Variants in SYT1 observed in about 807,000 individuals in gnomAD.
SYT1 encodes synaptotagmin 1, also known as synaptotagmin-1.
SYT1 carries 8 observed loss-of-function variants against 44.8 expected under a neutral mutation model. The observed-to-expected ratio is 0.18, with a 90% CI of 0.10 to 0.32. The LOEUF (loss-of-function observed/expected upper bound fraction) is 0.32. Ranked by LOEUF, SYT1 falls within the 10% of genes least tolerant of loss-of-function variation. SYT1 has a pLI of 1.00. For synonymous variants in SYT1, 154 were observed against 188.8 expected (o/e 0.82, Z 1.51); for missense variants, 286 against 509.3 (o/e 0.56, Z 4.22).
At chr12:79,339,343 CT>C (rs1882249769) in intron 8 of SYT1, among the ~76,000 whole-genome samples, 1 of 152,156 alleles carries the variant, frequency 6.6e-6, no homozygotes, top group Non-Finnish European at 1.5e-5. Flanking sequence ...TGTTTCCTGA[CT>C]TTTTAATGAT....
intron 4 of SYT1, among the ~76,000 whole-genome samples, chr12:79,235,020 T>A (rs1255182908): frequency 6.6e-6 from 1 of 152,176 alleles, no homozygotes; most frequent in Non-Finnish European, 1.5e-5. Flanking sequence ...AGTTTGGGGC[T>A]CTTAAGAATA....
chr12:79,138,657 A>ATG (rs372111547), intron 3 of SYT1, among the ~76,000 whole-genome samples: 9 of 150,782 alleles, frequency 6.0e-5, no homozygotes, highest in African/African-American at 2.2e-4. Flanking sequence ...GTGTGTGTGC[A>ATG]TGTGTGTGTG....
intron 1 of SYT1, chr12:78,926,826 G>C (rs1849694620): frequency 6.6e-6 from 1 of 151,954 alleles, no homozygotes. Flanking sequence ...TATCTTAATA[G>C]CAGGGTGAAC....
intron 7 of SYT1, among the ~76,000 whole-genome samples, chr12:79,297,206 C>T (rs1879917787): frequency 6.6e-6 from 1 of 151,998 alleles, no homozygotes; most frequent in African/African-American, 2.4e-5. Flanking sequence ...AGACAAAGGT[C>T]CCTCATGTAT....
chr12:78,978,375 G>C (rs1868999622), intron 2 of SYT1, among the ~76,000 whole-genome samples: 1 of 152,196 alleles, frequency 6.6e-6, no homozygotes, highest in South Asian at 2.1e-4. Flanking sequence ...AGGGGTTAGA[G>C]GGGAGAGCAG....
chr12:79,299,114 ATAAC>A (rs1880007398), intron 7 of SYT1, among the ~76,000 whole-genome samples: 1 of 152,138 alleles, frequency 6.6e-6, no homozygotes, highest in Non-Finnish European at 1.5e-5. Flanking sequence ...GCTTTATAGT[ATAAC>A]TAACAGCAGG....
At chr12:79,142,371 T>G (rs908342275) in intron 3 of SYT1, among the ~76,000 whole-genome samples, 5 of 152,220 alleles carry the variant, frequency 3.3e-5, no homozygotes, top group African/African-American at 4.8e-5. Flanking sequence ...TTTTCACCTT[T>G]GTGGGGATGG....
At position 79,171,969 on chromosome 12, in the gene SYT1, A is replaced by G. The variant is rs147686567; in HGVS notation, c.-17-45534A>G. ...ATTGTTAGAATTTCTGGATTTAAAGAGATCACTTATTTTTTAAAGGTATCT... is the reference window on the plus strand; with the variant it reads ...ATTGTTAGAATTTCTGGATTTAAAGGGATCACTTATTTTTTAAAGGTATCT... On this transcript the variant is annotated intron_variant, in intron 3 of 10. Coordinates refer to ENST00000261205, the MANE Select transcript of SYT1 (RefSeq NM_005639.3). 1.2e-3 allele frequency among the ~76,000 whole-genome samples: 178 copies of G among 152,134 alleles called. 2 individuals are homozygous for G. The highest frequency in any genetic ancestry group is 4.0e-3 in the African/African-American group (165 of 41,556).
At chr12:79,179,538 G>GATATATCT (rs200217464) in intron 3 of SYT1, among the ~76,000 whole-genome samples, 2,575 of 30,068 alleles carry the variant, frequency 0.086, 150 homozygotes, top group Middle Eastern at 0.17. Flanking sequence ...TATAGATATA[G>GATATATCT]ATATAGAGAT....
intron 9 of SYT1, among the ~76,000 whole-genome samples, chr12:79,426,737 T>A (rs980076130): frequency 2.0e-5 from 3 of 152,244 alleles, no homozygotes; most frequent in Admixed American, 1.3e-4. Flanking sequence ...TAACATTTTT[T>A]AAAAGGTTTC....
chr12:79,328,808 A>G (rs560265436), intron 8 of SYT1, among the ~76,000 whole-genome samples: 1 of 151,378 alleles, frequency 6.6e-6, no homozygotes, highest in Non-Finnish European at 1.5e-5. Flanking sequence ...ATCACGCCAT[A>G]GCACTCCAGC....
intron 8 of SYT1, among the ~76,000 whole-genome samples, chr12:79,305,254 A>C (rs2138902175): frequency 6.6e-6 from 1 of 152,332 alleles, no homozygotes. Flanking sequence ...GAAAAGTAAT[A>C]TAAATTAGAC....
Position 79,090,823 on chromosome 12 carries a change from CTGT to C in SYT1, c.-18+43466_-18+43468del, listed in dbSNP as rs543395090. Among the ~76,000 whole-genome samples the C allele has an allele frequency of 2.0e-5, 3 of 152,028 alleles. No individual in the cohort carries two copies. In the East Asian group the frequency reaches 5.8e-4, roughly 30 times the overall value. ...GGGAAGAATGCACTGTGAACAAAGG[CTGT>C]TGTTTCATTGTGCAGAGAAGGTCTA... is the stretch of plus-strand genomic sequence containing the variant. On this transcript the variant is annotated intron_variant, in intron 3 of 10. Transcript: ENST00000261205.
intron 3 of SYT1, among the ~76,000 whole-genome samples, chr12:79,101,962 A>AT (rs140510584): frequency 0.15 from 23,106 of 152,000 alleles, 1,875 homozygotes; most frequent in South Asian, 0.19. Context: ...ATTAAATAGT[A>AT]TTTTTCATTT....
At chr12:79,420,381 A>G (rs969210743) in intron 9 of SYT1, among the ~76,000 whole-genome samples, 1 of 152,162 alleles carries the variant, frequency 6.6e-6, no homozygotes, top group Admixed American at 6.6e-5. Flanking sequence ...TAATTGCTGC[A>G]TCTTATACCT....
intron 3 of SYT1, among the ~76,000 whole-genome samples, chr12:79,085,551 T>C (rs964100757): frequency 6.6e-6 from 1 of 152,114 alleles, no homozygotes; most frequent in African/African-American, 2.4e-5. Flanking sequence ...GTTCTGTCAG[T>C]GATGTGTACC....
chr12:78,867,407 C>A (rs765052855), intron 1 of SYT1, among the ~76,000 whole-genome samples: 4 of 151,950 alleles, frequency 2.6e-5, no homozygotes, highest in Non-Finnish European at 4.4e-5. Context: ...AATTCAATAT[C>A]TGTGTATTGG....
At chr12:78,985,511 T>C (rs1432803319) in intron 2 of SYT1, among the ~76,000 whole-genome samples, 1 of 149,376 alleles carries the variant, frequency 6.7e-6, no homozygotes, top group Admixed American at 6.8e-5. Context: ...CACTATCTGA[T>C]GGCATCCAAG....
At chr12:79,350,459 A>T (rs1280903192) in intron 8 of SYT1, among the ~76,000 whole-genome samples, 2 of 151,820 alleles carry the variant, frequency 1.3e-5, no homozygotes, top group African/African-American at 4.8e-5. Context: ...TTACCGTGTT[A>T]GCCAGGATGG....
Sources: allele counts gnomAD v4.1 joint callset (sites outside exome capture counted in the v4.1 genomes callset), GRCh38; gene constraint gnomAD v4.1.1; transcripts MANE v1.5; gene names NCBI Gene and HGNC (gene_info 2026-07-23, HGNC 2026-07-21).